The following TECTA variants were observed in gnomAD, a reference collection of about 807,000 sequenced individuals.
TECTA encodes the protein alpha-tectorin.
In TECTA, 128 loss-of-function variants were observed where a neutral mutation model predicts 216.8. The observed-to-expected ratio is 0.59, with a 90% CI of 0.51 to 0.68. TECTA has a LOEUF of 0.68. TECTA is among the 30% of genes least tolerant of loss of function. TECTA has a pLI of 0.00. For missense variants in TECTA, 2,551 were observed against 2,786.2 expected (o/e 0.92, Z 1.90); for synonymous variants, 1,089 against 1,117.1 (o/e 0.97, Z 0.50).
intron 11 of TECTA, chr11:121,141,016 A>G (rs1056843692): frequency 5.9e-5 from 9 of 152,188 alleles, no homozygotes; most frequent in African/African-American, 9.7e-5. Context: ...AATGGATTAA[A>G]GAGGTGAGGG....
At chr11:121,124,863 G>A (rs1239267295) in intron 7 of TECTA, among the ~76,000 whole-genome samples, 1 of 152,252 alleles carries the variant, frequency 6.6e-6, no homozygotes, top group East Asian at 1.9e-4. Flanking sequence ...CGAGCTGAGA[G>A]TGGGGTGAGG....
intron 2 of TECTA, 119 bp downstream of exon 2, chr11:121,102,848 G>A: frequency 1.2e-6 from 1 of 850,374 alleles, no homozygotes; most frequent in South Asian, 1.4e-5. Context: ...AGATACAAGA[G>A]AAAAATGTAA....
intron 7 of TECTA, among the ~76,000 whole-genome samples, chr11:121,119,368 C>T (rs1378560984): frequency 2.6e-5 from 4 of 152,086 alleles, no homozygotes; most frequent in African/African-American, 7.2e-5. Context: ...ATAGAGTCCC[C>T]AACTCCCACC....
At chr11:121,133,823 A>G (rs1946698613) in intron 10 of TECTA, among the ~76,000 whole-genome samples, 1 of 152,158 alleles carries the variant, frequency 6.6e-6, no homozygotes. Context: ...GGTGTTAGCA[A>G]ATGTCTCTGC....
chr11:121,117,900 G>C (rs1433840295), intron 6 of TECTA, among the ~76,000 whole-genome samples: 1 of 152,228 alleles, frequency 6.6e-6, no homozygotes. Flanking sequence ...CAAACAGTGA[G>C]TGTTGCCGAG....
Position 121,166,586 on chromosome 11 carries a change from G to A in TECTA, c.5392G>A (p.Asp1798Asn). ...AATAACTGTTCCCACAGACTCACAT[G>A]ACATTATCGATGCAGAGGTGACCTG... ...EPPPYGNNSHDIIDAEVTCKA... is the reference protein window; with the variant it reads ...EPPPYGNNSHNIIDAEVTCKA... The change falls in exon 18 of 24, where the codon GAC (aspartate) becomes AAC (asparagine). Residue 1798 changes from aspartate (D) to asparagine (N), a missense_variant. Asp to Asn is a conservative substitution (Grantham distance 23). Coordinates refer to ENST00000392793, the MANE Select transcript of TECTA (RefSeq NM_005422.4). The A allele has an allele frequency of 6.2e-7, 1 of 1,614,118 alleles. No homozygotes were observed. The highest frequency in any genetic ancestry group is 8.5e-7 in the Non-Finnish European group (1 of 1,180,020).
At chr11:121,167,942 A>T in intron 18 of TECTA, 112 bp from the exon 19 acceptor site, 1 of 1,280,608 alleles carries the variant, frequency 7.8e-7, no homozygotes, top group African/African-American at 1.5e-5. Context: ...ACTGGCCTCT[A>T]AATTATGTAT....
At chr11:121,154,892 C>T (rs1028414371) in intron 13 of TECTA, among the ~76,000 whole-genome samples, 8 of 152,126 alleles carry the variant, frequency 5.3e-5, no homozygotes, top group Non-Finnish European at 1.2e-4. Context: ...AAAATCCAGC[C>T]GTGTTAATGA....
Position 121,160,543 on chromosome 11 carries a change from C to T in TECTA, c.4976+122C>T, listed in dbSNP as rs968491105. ...CCCCTGCTCTCCTACAGAGACGAGC[C>T]AAAGCTCTTTGGAGTTTTGATGCTA... On this transcript the variant is annotated intron_variant, in intron 15 of 23. Transcript: ENST00000392793. 11 of 1,391,266 alleles carry T rather than the reference C, an allele frequency of 7.9e-6. No individual in the cohort carries two copies. In the African/African-American group the frequency reaches 1.6e-4, roughly 20 times the overall value. The allele number at this position is 1,391,266 out of a possible 1,614,324, so 86.2% of individuals were successfully genotyped here.
chr11:121,106,064 G>T, intron 3 of TECTA, 100 bp downstream of exon 3: 2 of 1,591,666 alleles, frequency 1.3e-6, no homozygotes, highest in Non-Finnish European at 1.7e-6. Flanking sequence ...TCTGGGAAGG[G>T]AGGATTTATT....
intron 17 of TECTA, among the ~76,000 whole-genome samples, chr11:121,165,589 C>A (rs1947045080): frequency 6.6e-6 from 1 of 152,150 alleles, no homozygotes; most frequent in Admixed American, 6.5e-5. Context: ...CAAATTTGTA[C>A]ATGAATGGAA....
At chr11:121,125,919 G>T (rs776502812) in intron 8 of TECTA, 47 bp downstream of exon 8, 63 of 1,587,264 alleles carry the variant, frequency 4.0e-5, no homozygotes, top group Non-Finnish European at 5.1e-6. Context: ...TGTGCAGGGG[G>T]CAGGGATAGG....
rs377433816 is a variant in TECTA at position 121,129,862 on chromosome 11, C to T, written c.2592C>T (p.Asn864=). Residue 864 remains asparagine, a synonymous_variant, in exon 10 of 24, where the codon AAC becomes AAT. Coordinates refer to ENST00000392793, the MANE Select transcript of TECTA (RefSeq NM_005422.4). The part of the protein sequence containing the change: ...ANASDEFCLP[N]GKCTDNLAVF... ...CCAGTGACGAGTTCTGTCTCCCCAA[C>T]GGCAAGTGCACGGACAACCTGGCAG... 22 of 1,614,214 alleles carry T rather than the reference C, an allele frequency of 1.4e-5. No individual in the cohort carries two copies. The highest frequency in any genetic ancestry group is 2.7e-5 in the African/African-American group (2 of 75,054).
chr11:121,113,764 T>C lies in TECTA; in HGVS notation c.790+46T>C. 6.2e-7 allele frequency: 1 copy of C among 1,610,206 alleles called. No homozygotes were observed. The highest frequency in any genetic ancestry group is 8.5e-7 in the Non-Finnish European group (1 of 1,179,074). ...GTGGCAAGGCAGGGTTTGTTTAGTG[T>C]AGATTGACAGGCAAGCTTTTAAGCC... On this transcript the variant is annotated intron_variant, in intron 6 of 23. Coordinates refer to ENST00000392793, the MANE Select transcript of TECTA (RefSeq NM_005422.4). The surrounding 1 kb of genome is among the most constrained non-coding windows in gnomAD (Gnocchi z 4.2).
At chr11:121,115,970 T>C (rs1252587301) in intron 6 of TECTA, among the ~76,000 whole-genome samples, 2 of 152,158 alleles carry the variant, frequency 1.3e-5, no homozygotes, top group African/African-American at 4.8e-5. Flanking sequence ...ATGTGTTTAA[T>C]ATACAGAAAA....
At chr11:121,139,550 C>T (rs1946763563) in intron 11 of TECTA, among the ~76,000 whole-genome samples, 1 of 152,124 alleles carries the variant, frequency 6.6e-6, no homozygotes, top group South Asian at 2.1e-4. Flanking sequence ...AATTAGCCAG[C>T]TGTGGTGGCA....
chr11:121,157,071 T>C (rs1946948908), intron 13 of TECTA, among the ~76,000 whole-genome samples: 1 of 152,154 alleles, frequency 6.6e-6, no homozygotes. Flanking sequence ...TAATCAGAAG[T>C]GTTGGTCATT....
chr11:121,187,797 T>C (rs757268968), intron 20 of TECTA, 35 bp from the exon 21 acceptor site: 5 of 1,613,482 alleles, frequency 3.1e-6, no homozygotes, highest in South Asian at 1.1e-5. Context: ...GAGGAAAACA[T>C]GTGAAGCAAA....
chr11:121,107,578 G>A (rs1946402354), intron 3 of TECTA, among the ~76,000 whole-genome samples: 1 of 152,162 alleles, frequency 6.6e-6, no homozygotes, highest in Non-Finnish European at 1.5e-5. Context: ...CTTAACATAT[G>A]ATTGGAATGT....
Sources: gnomAD v4.1 joint callset for allele counts (sites outside exome capture counted in the v4.1 genomes callset) on GRCh38, gnomAD v4.1.1 for gene constraint, Gnocchi (gnomAD v3.1) non-coding constraint, MANE v1.5 for transcripts, NCBI Gene and HGNC (gene_info 2026-07-23, HGNC 2026-07-21) for gene names.